The following IFT52 variants were observed in gnomAD, a reference collection of about 807,000 sequenced individuals.
IFT52 encodes intraflagellar transport protein 52 homolog.
A neutral mutation model predicts 54.4 loss-of-function variants in IFT52; 44 were observed. The ratio of observed to expected loss-of-function variants is 0.81; its 90% CI spans 0.63 to 1.04. IFT52 has a LOEUF of 1.04. Among genes scored for constraint, IFT52 ranks in the 50% least tolerant of loss-of-function variants. The pLI, the probability that IFT52 is intolerant of heterozygous loss-of-function variation, is 0.00. For synonymous variants in IFT52, 181 were observed against 185.3 expected (o/e 0.98, Z 0.19); for missense variants, 452 against 523.6 (o/e 0.86, Z 1.33).
At chr20:43,640,419 C>A (rs576609744) in intron 12 of IFT52, among the ~76,000 whole-genome samples, 1 of 152,134 alleles carries the variant, frequency 6.6e-6, no homozygotes, top group East Asian at 1.9e-4. Flanking sequence ...AAGATCACGC[C>A]ACTGTACTCC....
chr20:43,644,422 A>G lies in IFT52; in HGVS notation c.1266+1798A>G, dbSNP rs531230883. Among the ~76,000 whole-genome samples, 6 of 59,426 alleles carry G rather than the reference A, an allele frequency of 1.0e-4. 3 individuals carry two copies. The South Asian group carries it at 2.3e-3, about 23-fold the overall frequency. 39.0% of individuals were successfully genotyped at this position (59,426 alleles called of 152,430 possible). On this transcript the variant is annotated intron_variant, in intron 13 of 13. Transcript: ENST00000373030. ...TCAGTGCCACATTATTTTATAGAAG[A>G]AAAATCTTCATCAATAGGGAACTGG...
At chr20:43,601,520 T>C (rs1272605420) in intron 3 of IFT52, among the ~76,000 whole-genome samples, 2 of 152,226 alleles carry the variant, frequency 1.3e-5, no homozygotes, top group Non-Finnish European at 2.9e-5. Context: ...CCTGTGTTAT[T>C]GCACACCACA....
At chr20:43,611,777 C>T (rs1252178319) in intron 6 of IFT52, among the ~76,000 whole-genome samples, 1 of 151,994 alleles carries the variant, frequency 6.6e-6, no homozygotes, top group African/African-American at 2.4e-5. Flanking sequence ...CACCTGTAAT[C>T]CCAGCAGTTT....
chr20:43,632,205 G>A (rs142975255), intron 10 of IFT52, among the ~76,000 whole-genome samples: 1,686 of 150,402 alleles, frequency 0.011, 23 homozygotes, highest in African/African-American at 0.031. Flanking sequence ...GATTACAGGC[G>A]TGAGCCACTG....
intron 8 of IFT52, 37 bp from the exon 9 acceptor site, chr20:43,620,820 C>A: frequency 6.9e-7 from 1 of 1,457,934 alleles, no homozygotes. Flanking sequence ...TTCAAATAAC[C>A]AACTGTCCTA....
chr20:43,606,665 T>G (rs1240017297), intron 6 of IFT52, among the ~76,000 whole-genome samples: 2 of 151,724 alleles, frequency 1.3e-5, no homozygotes, highest in Non-Finnish European at 2.9e-5. Flanking sequence ...AGGACAATAG[T>G]GGAGGGAAGG....
At chr20:43,609,084 A>C (rs1312615910) in intron 6 of IFT52, among the ~76,000 whole-genome samples, 1 of 151,854 alleles carries the variant, frequency 6.6e-6, no homozygotes, top group African/African-American at 2.4e-5. Flanking sequence ...AAAAAAAAAA[A>C]ACTGAAAATT....
At chr20:43,637,100 C>A in intron 11 of IFT52, 45 bp from the exon 12 acceptor site, 2 of 1,306,242 alleles carry the variant, frequency 1.5e-6, no homozygotes, top group Non-Finnish European at 2.2e-6. Context: ...ATTTCCTTTA[C>A]CTTATCCTCC....
chr20:43,599,747 C>T (rs993643911), intron 3 of IFT52, among the ~76,000 whole-genome samples: 1 of 152,166 alleles, frequency 6.6e-6, no homozygotes, highest in Admixed American at 6.6e-5. Flanking sequence ...ATGCTAGTAT[C>T]ATGCTAGAAA....
In IFT52 at chr20:43,596,358, T is replaced by C. The variant is rs111861455; in HGVS notation, c.120-77T>C. The C allele has an allele frequency of 1.8e-4, 163 of 913,416 alleles. No individual in the cohort carries two copies. The African/African-American group carries it at 2.4e-3, about 13-fold the overall frequency. The allele number at this position is 913,416 out of a possible 1,614,324, so 56.6% of individuals were successfully genotyped here. On this transcript the variant is annotated intron_variant, in intron 2 of 13. Transcript: ENST00000373030. The stretch of plus-strand genomic sequence containing the variant: ...AGCCTCTGTGGCCTCTGCTTCCAAA[T>C]AGTTAAGAGACTAAAATAATACATA...
chr20:43,640,727 A>G (rs1985852641), intron 12 of IFT52, among the ~76,000 whole-genome samples: 1 of 152,170 alleles, frequency 6.6e-6, no homozygotes, highest in Admixed American at 6.5e-5. Flanking sequence ...CTTAAAATGC[A>G]AATCAGAGGG....
intron 3 of IFT52, among the ~76,000 whole-genome samples, chr20:43,602,800 A>G (rs904776940): frequency 1.3e-5 from 2 of 152,114 alleles, no homozygotes; most frequent in Non-Finnish European, 2.9e-5. Context: ...AGTGTGGGGA[A>G]GGCAGGGGGA....
Position 43,616,091 on chromosome 20 carries a change from T to G in IFT52, c.612+2115T>G, listed in dbSNP as rs149250320. Among the ~76,000 whole-genome samples, 69 of 152,322 alleles carry G rather than the reference T, an allele frequency of 4.5e-4. 1 individual carries two copies. Among genetic ancestry groups the G allele is most frequent in the African/African-American group, 1.5e-3 (62 of 41,564 alleles). ...GTCTCTTGACATCTCTGGCTTAGTA[T>G]AATTCTTTTCCTGGGGAAGTTATAA... On this transcript the variant is annotated intron_variant, in intron 7 of 13. Coordinates refer to ENST00000373030, the MANE Select transcript of IFT52 (RefSeq NM_016004.5).
intron 10 of IFT52, among the ~76,000 whole-genome samples, chr20:43,627,525 G>C (rs1984817784): frequency 6.6e-6 from 1 of 152,180 alleles, no homozygotes; most frequent in Admixed American, 6.6e-5. Flanking sequence ...ACAGAGCAGG[G>C]GCAAGGGCCA....
intron 10 of IFT52, among the ~76,000 whole-genome samples, chr20:43,632,157 C>G (rs1985216713): frequency 6.6e-6 from 1 of 151,996 alleles, no homozygotes; most frequent in Non-Finnish European, 1.5e-5. Context: ...ACTCCCAACC[C>G]CAGGTGATCC....
rs185178719 is a variant in IFT52 at position 43,627,162 on chromosome 20, A to G, written c.923+3117A>G. Among the ~76,000 whole-genome samples, 765 of 151,708 alleles carry G rather than the reference A, an allele frequency of 5.0e-3. 4 individuals are homozygous for G. The highest frequency in any genetic ancestry group is 0.01 in the South Asian group (50 of 4,792). On this transcript the variant is annotated intron_variant, in intron 10 of 13. Transcript: ENST00000373030. ...AGCCTGGGCAACAGAGCAAGACTCCATCTCAGAAAAAAAAAAAAAGAAAGG... is the reference window on the plus strand; with the variant it reads ...AGCCTGGGCAACAGAGCAAGACTCCGTCTCAGAAAAAAAAAAAAAGAAAGG...
chr20:43,619,307 C>A (rs1188968256), intron 8 of IFT52, among the ~76,000 whole-genome samples: 1 of 152,132 alleles, frequency 6.6e-6, no homozygotes, highest in Non-Finnish European at 1.5e-5. Flanking sequence ...CGGAGAGGAA[C>A]AGGCTCAATA....
At chr20:43,612,464 G>C (rs1449664109) in intron 6 of IFT52, among the ~76,000 whole-genome samples, 1 of 152,026 alleles carries the variant, frequency 6.6e-6, no homozygotes, top group East Asian at 1.9e-4. Flanking sequence ...AGGTCAAGGT[G>C]GGCGGATTGC....
In IFT52 at chr20:43,594,809, G is replaced by C; in HGVS notation, c.111G>C (p.Lys37Asn). Residue 37 changes from lysine to asparagine, a missense_variant, in exon 2 of 14, where the codon AAG becomes AAC. By Grantham distance (94) the Lys-to-Asn change is moderately conservative (BLOSUM62 0). Transcript: ENST00000373030. ...SMQKKLRSNW[K>N]IQSLKDEITS... ...AGAAAAAACTTCGGAGTAATTGGAA[G>C]ATTCAGAGGTGACTGACCATGTATA... 6.6e-7 allele frequency: 1 copy of C among 1,518,738 alleles called. No individual in the cohort carries two copies. Among genetic ancestry groups the C allele is most frequent in the Non-Finnish European group, 9.1e-7 (1 of 1,093,158 alleles). 94.1% of individuals were successfully genotyped at this position (1,518,738 alleles called of 1,614,324 possible).
Sources: gnomAD v4.1 joint callset for allele counts (sites outside exome capture counted in the v4.1 genomes callset) on GRCh38, gnomAD v4.1.1 for gene constraint, MANE v1.5 for transcripts, NCBI Gene and HGNC (gene_info 2026-07-23, HGNC 2026-07-21) for gene names.